The following EXOC4 variants were observed in gnomAD, a reference collection of about 807,000 sequenced individuals.
The protein encoded by EXOC4 is SEC8-like 1.
In EXOC4, 71 loss-of-function variants were observed where a neutral mutation model predicts 107.2. The observed-to-expected ratio is 0.66, with a 90% CI of 0.55 to 0.81. The LOEUF is 0.81. Among genes scored for constraint, EXOC4 ranks in the 30% least tolerant of loss-of-function variants. The probability of loss-of-function intolerance (pLI) is 0.00; values close to 1 mark genes in which losing one functional copy is unlikely to be tolerated. For synonymous variants in EXOC4, 456 were observed against 441.2 expected, an observed-to-expected ratio of 1.03 and a Z score of -0.42; for missense variants, 1,108 against 1,189.6, an observed-to-expected ratio of 0.93 and a Z score of 1.01.
In EXOC4 at chr7:133,484,538, TA is replaced by T. The variant is rs201078184; in HGVS notation, c.1417+4409del. On this transcript the variant is annotated intron_variant, in intron 9 of 17. Transcript: ENST00000253861. ...GATGAACACATTATCTGGTGAGGGT[TA>T]AAAAAAAACAAAAACAAAAAACAAT... 1.8e-3 allele frequency among the ~76,000 whole-genome samples: 264 copies of T among 150,410 alleles called. 1 individual carries two copies. The highest frequency in any genetic ancestry group is 6.0e-3 in the African/African-American group (247 of 40,982).
At chr7:133,260,611 G>A (rs915441701) in intron 1 of EXOC4, among the ~76,000 whole-genome samples, 2 of 152,132 alleles carry the variant, frequency 1.3e-5, no homozygotes, top group Non-Finnish European at 2.9e-5. Flanking sequence ...GTAGTTTTGG[G>A]TCTTCTAGGT....
chr7:133,611,549 T>C (rs1182686613), intron 9 of EXOC4, among the ~76,000 whole-genome samples: 1 of 152,172 alleles, frequency 6.6e-6, no homozygotes, highest in Non-Finnish European at 1.5e-5. Context: ...CCTGTTGATC[T>C]GGTCTGCCTA....
chr7:133,480,178 A>G, intron 9 of EXOC4, 40 bp downstream of exon 9: 1 of 1,606,862 alleles, frequency 6.2e-7, no homozygotes, highest in Non-Finnish European at 8.5e-7. Context: ...AATTTTCTGG[A>G]GGAGTATTTC....
At chr7:133,462,757 G>GA (rs1053547481) in intron 7 of EXOC4, among the ~76,000 whole-genome samples, 1 of 151,784 alleles carries the variant, frequency 6.6e-6, no homozygotes, top group African/African-American at 2.4e-5. Context: ...TTAATGGCAG[G>GA]AAAAAAAATT....
At chr7:133,397,682 T>C (rs1797001623) in intron 7 of EXOC4, among the ~76,000 whole-genome samples, 1 of 152,166 alleles carries the variant, frequency 6.6e-6, no homozygotes, top group Admixed American at 6.5e-5. Context: ...GTGATTTTTT[T>C]CCTCTGTTCC....
At chr7:133,620,074 G>A (rs184391594) in intron 9 of EXOC4, among the ~76,000 whole-genome samples, 1 of 152,046 alleles carries the variant, frequency 6.6e-6, no homozygotes, top group Non-Finnish European at 1.5e-5. Flanking sequence ...CCAGGCTGGA[G>A]TGCAGCGGCC....
At chr7:134,056,811 A>G in intron 17 of EXOC4, among the ~76,000 whole-genome samples, 1 of 152,214 alleles carries the variant, frequency 6.6e-6, no homozygotes, top group African/African-American at 2.4e-5. Context: ...AAGGGAACAA[A>G]AAGAAATTTT....
At chr7:134,067,904 G>T (rs1796208848), downstream of EXOC4, among the ~76,000 whole-genome samples, 1 of 151,964 alleles carries the variant, frequency 6.6e-6, no homozygotes, top group Non-Finnish European at 1.5e-5. Context: ...CTCACAGTAG[G>T]GCTTTGAAAT....
intron 9 of EXOC4, among the ~76,000 whole-genome samples, chr7:133,573,192 T>G (rs1801059710): frequency 6.6e-6 from 1 of 152,224 alleles, no homozygotes; most frequent in African/African-American, 2.4e-5. Flanking sequence ...AAAAAAATAC[T>G]AATCTGTGAT....
intron 6 of EXOC4, among the ~76,000 whole-genome samples, chr7:133,372,153 AT>A (rs1351198953): frequency 2.0e-5 from 3 of 152,164 alleles, no homozygotes; most frequent in Admixed American, 6.5e-5. Flanking sequence ...ATTTTCTCTC[AT>A]TTTATGTATT....
intron 7 of EXOC4, among the ~76,000 whole-genome samples, chr7:133,408,734 C>T (rs953000048): frequency 2.0e-5 from 3 of 152,102 alleles, no homozygotes; most frequent in African/African-American, 4.8e-5. Flanking sequence ...TGTCTGACAC[C>T]AAAGTCCACA....
At chr7:133,953,965 G>C (rs757135214) in intron 14 of EXOC4, among the ~76,000 whole-genome samples, 1 of 152,184 alleles carries the variant, frequency 6.6e-6, no homozygotes, top group Non-Finnish European at 1.5e-5. Context: ...TATATGGGAG[G>C]AATCCTGCAG....
chr7:133,400,193 C>A (rs1314935985), intron 7 of EXOC4, among the ~76,000 whole-genome samples: 1 of 152,144 alleles, frequency 6.6e-6, no homozygotes, highest in Non-Finnish European at 1.5e-5. Context: ...CCTTGGATTA[C>A]GGTTGGTCCT....
intron 11 of EXOC4, among the ~76,000 whole-genome samples, chr7:133,837,302 G>C (rs1308857600): frequency 1.3e-5 from 2 of 152,146 alleles, no homozygotes; most frequent in African/African-American, 2.4e-5. Context: ...CACTTAATCT[G>C]TCTGGGCCTC....
intron 11 of EXOC4, among the ~76,000 whole-genome samples, chr7:133,855,506 A>G (rs1300309896): frequency 6.6e-6 from 1 of 152,076 alleles, no homozygotes; most frequent in African/African-American, 2.4e-5. Context: ...CTTTTATTCT[A>G]GGACCCTGGG....
At chr7:133,632,011 G>T (rs971094692) in intron 10 of EXOC4, among the ~76,000 whole-genome samples, 4 of 152,044 alleles carry the variant, frequency 2.6e-5, no homozygotes, top group Non-Finnish European at 5.9e-5. Context: ...CTTTTCAAGA[G>T]ATTTTTCCTC....
chr7:133,856,397 G>A (rs1798372984), intron 11 of EXOC4, among the ~76,000 whole-genome samples: 1 of 152,234 alleles, frequency 6.6e-6, no homozygotes, highest in South Asian at 2.1e-4. Context: ...GCCTGGGCCT[G>A]ATCCCTGACA....
chr7:133,305,000 G>T (rs1794719747), intron 3 of EXOC4, among the ~76,000 whole-genome samples: 1 of 151,270 alleles, frequency 6.6e-6, no homozygotes, highest in Non-Finnish European at 1.5e-5. Flanking sequence ...AAAGATACAA[G>T]ATCTTTACAC....
chr7:133,581,461 A>G (rs938856513), intron 9 of EXOC4, among the ~76,000 whole-genome samples: 6 of 152,168 alleles, frequency 3.9e-5, no homozygotes, highest in Admixed American at 3.9e-4. Context: ...TCACAGTGCT[A>G]TAAAGAATGA....
Sources: allele counts gnomAD v4.1 joint callset (sites outside exome capture counted in the v4.1 genomes callset), GRCh38; gene constraint gnomAD v4.1.1; transcripts MANE v1.5; gene names NCBI Gene and HGNC (gene_info 2026-07-23, HGNC 2026-07-21).